Variants in GNAT3 observed in about 807,000 individuals in gnomAD.
GNAT3 encodes the protein guanine nucleotide-binding protein G(t) subunit alpha-3.
GNAT3 carries 31 observed loss-of-function variants against 37.7 expected under a neutral mutation model. That is an observed-to-expected ratio of 0.82 (90% CI 0.62 to 1.11). The LOEUF is 1.11. Among genes scored for constraint, GNAT3 ranks in the 50% most tolerant of loss-of-function variants. The probability of loss-of-function intolerance (pLI) is 0.00; values close to 1 mark genes in which losing one functional copy is unlikely to be tolerated. For synonymous variants in GNAT3, 138 were observed against 139.8 expected (o/e 0.99, Z 0.09); for missense variants, 437 against 412.5 (o/e 1.06, Z -0.51).
intron 4 of GNAT3, among the ~76,000 whole-genome samples, chr7:80,476,130 T>G (rs1024806951): frequency 1.3e-5 from 2 of 152,032 alleles, no homozygotes; most frequent in Non-Finnish European, 2.9e-5. Flanking sequence ...AAAGATTAAA[T>G]TCATTTCATG....
intron 5 of GNAT3, among the ~76,000 whole-genome samples, chr7:80,467,783 G>T (rs1337635896): frequency 6.6e-6 from 1 of 151,936 alleles, no homozygotes; most frequent in Admixed American, 6.6e-5. Flanking sequence ...CCGGAGTTTT[G>T]GATTGGTCAA....
chr7:80,470,496 C>T (rs1226274355), intron 5 of GNAT3, among the ~76,000 whole-genome samples: 1 of 152,218 alleles, frequency 6.6e-6, no homozygotes, highest in Non-Finnish European at 1.5e-5. Context: ...GCTGGGATTA[C>T]AGGTGTGAGC....
At chr7:80,505,113 C>G (rs1426017747) in intron 1 of GNAT3, among the ~76,000 whole-genome samples, 1 of 152,074 alleles carries the variant, frequency 6.6e-6, no homozygotes, top group African/African-American at 2.4e-5. Flanking sequence ...TCAAGAAAAT[C>G]AGTTGGGAGA....
At chr7:80,482,981 A>G (rs1790416884) in intron 3 of GNAT3, among the ~76,000 whole-genome samples, 1 of 152,184 alleles carries the variant, frequency 6.6e-6, no homozygotes, top group South Asian at 2.1e-4. Flanking sequence ...AAGTTATCCT[A>G]TCAGGTTGGT....
At chr7:80,494,545 A>T (rs530102149) in intron 2 of GNAT3, 60 bp downstream of exon 2, 1 of 891,084 alleles carries the variant, frequency 1.1e-6, no homozygotes, top group Admixed American at 2.4e-5. Flanking sequence ...GTATTTTAAG[A>T]ATGGTCAAAT....
intron 3 of GNAT3, among the ~76,000 whole-genome samples, chr7:80,486,306 G>A (rs2116185848): frequency 6.6e-6 from 1 of 152,190 alleles, no homozygotes; most frequent in African/African-American, 2.4e-5. Context: ...AAGTTGATCT[G>A]TTTATGCCAT....
intron 1 of GNAT3, among the ~76,000 whole-genome samples, chr7:80,500,847 T>G (rs146634693): frequency 8.6e-4 from 131 of 152,242 alleles, no homozygotes; most frequent in Admixed American, 1.2e-3. Flanking sequence ...TCTAGTAGTA[T>G]TTTAAACATG....
At chr7:80,486,871 T>C (rs986459214) in intron 3 of GNAT3, among the ~76,000 whole-genome samples, 8 of 152,022 alleles carry the variant, frequency 5.3e-5, no homozygotes, top group African/African-American at 1.4e-4. Context: ...ATAGGCAAGA[T>C]TGTGATTTCC....
chr7:80,465,118 G>A (rs1475601611), intron 5 of GNAT3, among the ~76,000 whole-genome samples: 2 of 152,092 alleles, frequency 1.3e-5, no homozygotes, highest in Non-Finnish European at 2.9e-5. Flanking sequence ...TGATAAATAT[G>A]CATTCAGAAA....
intron 5 of GNAT3, among the ~76,000 whole-genome samples, chr7:80,468,846 A>G (rs923187954): frequency 1.3e-5 from 2 of 152,164 alleles, no homozygotes; most frequent in Admixed American, 1.3e-4. Flanking sequence ...GTGTGTGTGC[A>G]TTTGAAACTT....
chr7:80,474,168 A>G, intron 5 of GNAT3, 83 bp downstream of exon 5: 1 of 1,358,092 alleles, frequency 7.4e-7, no homozygotes, highest in Non-Finnish European at 1.0e-6. Context: ...GAACCTGAAC[A>G]TGGGCTAGAG....
intron 2 of GNAT3, among the ~76,000 whole-genome samples, chr7:80,490,773 C>T (rs758761383): frequency 6.6e-5 from 10 of 152,102 alleles, no homozygotes; most frequent in Non-Finnish European, 1.5e-4. Flanking sequence ...TAAGCAAATA[C>T]CCCCAACTTA....
chr7:80,479,710 CA>C (rs56730701), intron 3 of GNAT3, among the ~76,000 whole-genome samples: 9,953 of 79,304 alleles, frequency 0.13, 280 homozygotes, highest in African/African-American at 0.2. Flanking sequence ...GACCCTGTCT[CA>C]AAAAAAAAAA....
At chr7:80,505,204 A>T (rs1428429191) in intron 1 of GNAT3, among the ~76,000 whole-genome samples, 1 of 152,152 alleles carries the variant, frequency 6.6e-6, no homozygotes, top group Admixed American at 6.5e-5. Flanking sequence ...AAGGTAGAAG[A>T]TTACGGAGGT....
intron 1 of GNAT3, among the ~76,000 whole-genome samples, chr7:80,511,585 A>G (rs891457690): frequency 6.6e-6 from 1 of 152,148 alleles, no homozygotes; most frequent in Non-Finnish European, 1.5e-5. Context: ...AAATTAGCTG[A>G]TAAATATTTG....
intron 5 of GNAT3, among the ~76,000 whole-genome samples, chr7:80,465,186 G>A (rs928338171): frequency 1.3e-5 from 2 of 152,068 alleles, no homozygotes; most frequent in African/African-American, 2.4e-5. Flanking sequence ...GTGTTTTTCA[G>A]ACTTCGTAAA....
chr7:80,474,227 G>A, intron 5 of GNAT3, 24 bp downstream of exon 5: 1 of 1,597,798 alleles, frequency 6.3e-7, no homozygotes. Context: ...TCTGTCTACA[G>A]TTAGAAAAGA....
chr7:80,465,898 G>T (rs1306132719), intron 5 of GNAT3, among the ~76,000 whole-genome samples: 5 of 152,076 alleles, frequency 3.3e-5, no homozygotes, highest in African/African-American at 1.2e-4. Context: ...GCAAAGAATT[G>T]TGATGCTGTG....
intron 7 of GNAT3, among the ~76,000 whole-genome samples, chr7:80,460,200 C>CT (rs78792156): frequency 0.39 from 59,372 of 151,854 alleles, 12,231 homozygotes; most frequent in East Asian, 0.76. Flanking sequence ...ATGCATATTG[C>CT]AAATGAAAGA....
Sources: allele counts gnomAD v4.1 joint callset (sites outside exome capture counted in the v4.1 genomes callset), GRCh38; gene constraint gnomAD v4.1.1; transcripts MANE v1.5; gene names NCBI Gene and HGNC (gene_info 2026-07-23, HGNC 2026-07-21).